Variants in ANXA5 observed in about 807,000 individuals in gnomAD.
ANXA5 encodes the protein annexin A5.
A neutral mutation model predicts 48.1 loss-of-function variants in ANXA5; 40 were observed. That is an observed-to-expected ratio of 0.83 (90% CI 0.65 to 1.08). The LOEUF (loss-of-function observed/expected upper bound fraction) is 1.08. ANXA5 is among the 50% of genes least tolerant of loss of function. The probability of loss-of-function intolerance (pLI) is 0.00; values close to 1 mark genes in which losing one functional copy is unlikely to be tolerated. For synonymous variants in ANXA5, 113 were observed against 129.1 expected, an observed-to-expected ratio of 0.88 and a Z score of 0.85; for missense variants, 357 against 376.8, an observed-to-expected ratio of 0.95 and a Z score of 0.44.
At chr4:121,685,034 GTATA>G (rs71599154) in intron 3 of ANXA5, among the ~76,000 whole-genome samples, 5 of 135,922 alleles carry the variant, frequency 3.7e-5, no homozygotes, top group South Asian at 2.3e-4. Flanking sequence ...AAAAAAATAT[GTATA>G]TATATATATA....
chr4:121,668,704 A>G (rs953635850), intron 12 of ANXA5, among the ~76,000 whole-genome samples, 177 bp from the exon 13 acceptor site: 2 of 152,116 alleles, frequency 1.3e-5, no homozygotes, highest in African/African-American at 2.4e-5. Context: ...AACCTCAGAC[A>G]CTCAGTATTC....
intron 11 of ANXA5, 30 bp downstream of exon 11, chr4:121,669,924 T>C (rs761682710): frequency 1.3e-6 from 2 of 1,528,536 alleles, no homozygotes; most frequent in East Asian, 2.2e-5. Context: ...GAGAAATGTA[T>C]TAGATAGAAG....
chr4:121,679,754 A>C (rs1280662549), intron 6 of ANXA5, among the ~76,000 whole-genome samples: 3 of 152,130 alleles, frequency 2.0e-5, no homozygotes, highest in African/African-American at 4.8e-5. Context: ...TTGAGTTATG[A>C]TGGACAAATA....
At chr4:121,669,407 T>A in intron 12 of ANXA5, 195 bp downstream of exon 12, 1 of 663,002 alleles carries the variant, frequency 1.5e-6, no homozygotes. Context: ...GCCACATCAA[T>A]ACCCATGCTT....
intron 3 of ANXA5, 152 bp downstream of exon 3, chr4:121,686,136 C>T: frequency 1.7e-6 from 1 of 591,096 alleles, no homozygotes; most frequent in Non-Finnish European, 2.9e-6. Flanking sequence ...AGACTGGACA[C>T]TCTGGTTTAT....
At position 121,686,331 on chromosome 4, in the gene ANXA5, C is replaced by G. The variant is rs1319331225; in HGVS notation, c.51G>C (p.Glu17Asp). The change falls in exon 3 of 13, where the codon GAG becomes GAC. Residue 17 changes from glutamate to aspartate, a missense_variant. By Grantham distance (45) the Glu-to-Asp change is conservative (BLOSUM62 2). Coordinates refer to ENST00000296511, the MANE Select transcript of ANXA5 (RefSeq NM_001154.4). ...GTVTDFPGFD[E>D]RADAETLRKA... Reference sequence around the variant, plus strand: ...TCCGAAGAGTTTCTGCATCAGCCCGCTCATCAAATCCAGGGAAGTCAGTCA... The same window carrying G: ...TCCGAAGAGTTTCTGCATCAGCCCGGTCATCAAATCCAGGGAAGTCAGTCA... 3 of 1,614,138 alleles carry G rather than the reference C, an allele frequency of 1.9e-6. No homozygotes were observed. Among genetic ancestry groups the G allele is most frequent in the Non-Finnish European group, 2.5e-6 (3 of 1,180,000 alleles).
At chr4:121,689,040 T>C (rs138528010) in intron 2 of ANXA5, among the ~76,000 whole-genome samples, 2 of 152,344 alleles carry the variant, frequency 1.3e-5, no homozygotes, top group African/African-American at 4.8e-5. Context: ...ATTCATTCGA[T>C]ACCTTAATCC....
chr4:121,670,874 G>C (rs1284126356), intron 10 of ANXA5, among the ~76,000 whole-genome samples: 1 of 152,098 alleles, frequency 6.6e-6, no homozygotes, highest in Admixed American at 6.6e-5. Context: ...TGAAGACAGA[G>C]AGCACAAAAG....
chr4:121,676,170 A>G (rs1724694805), intron 8 of ANXA5, among the ~76,000 whole-genome samples: 1 of 152,196 alleles, frequency 6.6e-6, no homozygotes, highest in Admixed American at 6.5e-5. Flanking sequence ...TCACCTCAGT[A>G]CTGAACAAAG....
chr4:121,677,955 G>C lies in ANXA5; in HGVS notation c.475-5C>G. The C allele has an allele frequency of 6.2e-7, 1 of 1,612,820 alleles. No homozygotes were observed. The highest frequency in any genetic ancestry group is 8.5e-7 in the Non-Finnish European group (1 of 1,178,956). On this transcript the variant is annotated splice_polypyrimidine_tract_variant and splice_region_variant and intron_variant, in intron 7 of 12. Coordinates refer to ENST00000296511, the MANE Select transcript of ANXA5 (RefSeq NM_001154.4). The stretch of plus-strand genomic sequence containing the variant: ...AGCATCAGGGTCTCTGTTAGCCTAT[G>C]AGAGGTAATATGTCACATTACTGAA...
intron 2 of ANXA5, among the ~76,000 whole-genome samples, chr4:121,687,515 T>C (rs1352673929): frequency 2.6e-5 from 4 of 152,192 alleles, no homozygotes; most frequent in African/African-American, 9.6e-5. Context: ...TAGCCTCGTT[T>C]ACAATCTTAC....
chr4:121,670,151 G>A (rs911139596), intron 10 of ANXA5, 139 bp from the exon 11 acceptor site: 5 of 606,254 alleles, frequency 8.2e-6, no homozygotes, highest in African/African-American at 1.9e-5. Context: ...AGAGCTGTAA[G>A]CTAATCTGAT....
intron 7 of ANXA5, 133 bp downstream of exon 7, chr4:121,678,282 C>G (rs924814848): frequency 1.4e-6 from 1 of 722,736 alleles, no homozygotes; most frequent in Admixed American, 2.7e-5. Flanking sequence ...AACATACAGT[C>G]AGAATCATCG....
Position 121,669,598 on chromosome 4 carries a change from C to T in ANXA5, c.903+4G>A. The T allele has an allele frequency of 6.2e-7, 1 of 1,613,460 alleles. No homozygotes were observed. The highest frequency in any genetic ancestry group is 1.1e-5 in the South Asian group (1 of 91,026). On this transcript the variant is annotated splice_donor_region_variant and intron_variant, in intron 12 of 12. Transcript: ENST00000296511. ...AAACGTAATTTAAAGAAAGGTTCTA[C>T]TACCTTAATCATGGAATAAAGAGAG...
At chr4:121,684,504 A>G (rs1027945105) in intron 4 of ANXA5, among the ~76,000 whole-genome samples, 173 bp downstream of exon 4, 3 of 152,232 alleles carry the variant, frequency 2.0e-5, no homozygotes, top group African/African-American at 4.8e-5. Flanking sequence ...AAGCTGGGTG[A>G]GCACTGTATC....
intron 2 of ANXA5, among the ~76,000 whole-genome samples, chr4:121,694,105 GGGGGA>G (rs537271745): frequency 6.6e-5 from 3 of 45,252 alleles, no homozygotes; most frequent in African/African-American, 3.5e-4. Context: ...TTGTGGGCGG[GGGGGA>G]GGGGGGAGGG....
rs1039882471 is a variant in ANXA5, at chr4:121,684,717, C to A, written c.149G>T (p.Arg50Leu). 6.2e-7 allele frequency: 1 copy of A among 1,613,920 alleles called. No individual in the cohort carries two copies. Among genetic ancestry groups the A allele is most frequent in the African/African-American group, 1.3e-5 (1 of 74,976 alleles). ...TLLTSRSNAQ[R>L]QEISAAFKTL... ...CTTAAAAGCTGCAGAGATTTCCTGGCGCTGAGCATTACTTCGGGATGTCAA... is the reference window on the plus strand; with the variant it reads ...CTTAAAAGCTGCAGAGATTTCCTGGAGCTGAGCATTACTTCGGGATGTCAA... The change falls in exon 4 of 13, where the codon CGC (arginine) becomes CTC (leucine). Residue 50 changes from arginine to leucine, a missense_variant. Physicochemically the swap from Arg to Leu is moderately radical, Grantham distance 102. Coordinates refer to ENST00000296511, the MANE Select transcript of ANXA5 (RefSeq NM_001154.4).
intron 3 of ANXA5, among the ~76,000 whole-genome samples, chr4:121,685,051 T>TAC (rs769880237): frequency 1.9e-3 from 280 of 145,760 alleles, no homozygotes; most frequent in Non-Finnish European, 3.4e-3. Flanking sequence ...TATATATATA[T>TAC]ACACACACAC....
intron 2 of ANXA5, among the ~76,000 whole-genome samples, chr4:121,689,663 G>T (rs1363374558): frequency 6.6e-6 from 1 of 152,194 alleles, no homozygotes; most frequent in Admixed American, 6.5e-5. Flanking sequence ...TCACAGTGAA[G>T]GGAGGGGAAG....
Sources: allele counts gnomAD v4.1 joint callset (sites outside exome capture counted in the v4.1 genomes callset), GRCh38; gene constraint gnomAD v4.1.1; transcripts MANE v1.5; gene names NCBI Gene and HGNC (gene_info 2026-07-23, HGNC 2026-07-21).